The following CACNA2D3 variants were observed in gnomAD, a reference collection of about 807,000 sequenced individuals.
CACNA2D3 encodes the protein voltage-dependent calcium channel subunit alpha-2/delta-3.
Under a neutral mutation model 160.6 loss-of-function variants are expected in CACNA2D3, and 60 were observed. That is an observed-to-expected ratio of 0.37 (90% confidence interval 0.30 to 0.46). The LOEUF (loss-of-function observed/expected upper bound fraction) is 0.46. CACNA2D3 is among the 20% of genes least tolerant of loss of function. The pLI is 1.00. For synonymous variants in CACNA2D3, 558 were observed against 492.9 expected (o/e 1.13, Z -1.75); for missense variants, 1,205 against 1,365.0 (o/e 0.88, Z 1.85).
chr3:54,710,001 T>G (rs1700926685), intron 11 of CACNA2D3, among the ~76,000 whole-genome samples: 2 of 152,210 alleles, frequency 1.3e-5, no homozygotes, highest in Admixed American at 6.5e-5. Flanking sequence ...AAAAGTCTTT[T>G]GTTTTCACAC....
chr3:54,325,838 A>G (rs997992495), intron 3 of CACNA2D3, among the ~76,000 whole-genome samples: 4 of 152,208 alleles, frequency 2.6e-5, no homozygotes, highest in African/African-American at 9.7e-5. Context: ...AAGCACCCTG[A>G]AACTCACACC....
chr3:54,736,117 A>T (rs1164020990), intron 11 of CACNA2D3, among the ~76,000 whole-genome samples: 1 of 19,724 alleles, frequency 5.1e-5, no homozygotes, highest in Non-Finnish European at 1.2e-4. Context: ...ATGTATATAT[A>T]TACATATATA....
intron 31 of CACNA2D3, among the ~76,000 whole-genome samples, chr3:54,995,038 A>G (rs1702825373): frequency 1.3e-5 from 2 of 151,934 alleles, no homozygotes; most frequent in South Asian, 2.1e-4. Flanking sequence ...CAATGGTGCA[A>G]TCTTGGCTTA....
intron 4 of CACNA2D3, among the ~76,000 whole-genome samples, chr3:54,400,480 T>A (rs1159124288): frequency 6.6e-6 from 1 of 152,054 alleles, no homozygotes; most frequent in Admixed American, 6.5e-5. Flanking sequence ...CATCAAGAAA[T>A]ATCTTCTCAT....
At chr3:54,375,556 C>T (rs1236179612) in intron 3 of CACNA2D3, among the ~76,000 whole-genome samples, 5 of 152,036 alleles carry the variant, frequency 3.3e-5, no homozygotes, top group African/African-American at 1.2e-4. Flanking sequence ...GTCAAGAGAA[C>T]AGCAGGATGA....
At chr3:54,986,100 G>A (rs1702606709) in intron 30 of CACNA2D3, among the ~76,000 whole-genome samples, 1 of 152,162 alleles carries the variant, frequency 6.6e-6, no homozygotes, top group Admixed American at 6.5e-5. Context: ...TTGCCTAGAG[G>A]GAGGAGCTCT....
intron 5 of CACNA2D3, among the ~76,000 whole-genome samples, chr3:54,505,089 G>A (rs1701348161): frequency 6.6e-6 from 1 of 152,110 alleles, no homozygotes; most frequent in Admixed American, 6.5e-5. Flanking sequence ...TGGATATTAG[G>A]TATAGTTGGA....
intron 2 of CACNA2D3, among the ~76,000 whole-genome samples, chr3:54,306,177 C>T (rs1191972980): frequency 6.6e-6 from 1 of 152,102 alleles, no homozygotes; most frequent in Non-Finnish European, 1.5e-5. Flanking sequence ...CTGCACCCCC[C>T]AACCCGAAGC....
At position 54,287,200 on chromosome 3, in the gene CACNA2D3, A is replaced by T. The variant is rs1428497140; in HGVS notation, c.205-33242A>T. On this transcript the variant is annotated intron_variant, in intron 2 of 37. Transcript: ENST00000474759. ...GGAAACCCATCTCACGTGCAGAGAC[A>T]CACATAGGCTCAAAATAAAGGGACG... is the stretch of plus-strand genomic sequence containing the variant. 2.0e-5 allele frequency among the ~76,000 whole-genome samples: 3 copies of T among 152,322 alleles called. No homozygotes were observed. In the East Asian group the frequency reaches 5.8e-4, roughly 29 times the overall value.
intron 13 of CACNA2D3, among the ~76,000 whole-genome samples, chr3:54,792,056 A>G (rs1220298301): frequency 6.6e-6 from 1 of 152,204 alleles, no homozygotes; most frequent in African/African-American, 2.4e-5. Flanking sequence ...CTGTATTTTC[A>G]GGATATTATT....
chr3:54,373,615 T>A (rs1419488999), intron 3 of CACNA2D3, among the ~76,000 whole-genome samples: 1 of 152,106 alleles, frequency 6.6e-6, no homozygotes, highest in Admixed American at 6.5e-5. Context: ...TTAAACAACT[T>A]CTCCTTCCAG....
At chr3:54,438,632 G>A (rs1700094665) in intron 4 of CACNA2D3, among the ~76,000 whole-genome samples, 2 of 152,190 alleles carry the variant, frequency 1.3e-5, no homozygotes, top group South Asian at 4.1e-4. Flanking sequence ...AGGGCATTTA[G>A]ATGACTAAAT....
intron 5 of CACNA2D3, among the ~76,000 whole-genome samples, chr3:54,528,011 C>T (rs560070700): frequency 2.2e-4 from 34 of 152,132 alleles, no homozygotes; most frequent in African/African-American, 7.7e-4. Context: ...TGGAACAGTT[C>T]TGTGGAGCTC....
chr3:54,451,306 G>T (rs1700304956), intron 4 of CACNA2D3, among the ~76,000 whole-genome samples: 1 of 126,488 alleles, frequency 7.9e-6, no homozygotes, highest in African/African-American at 3.0e-5. Context: ...CTGGAGTGCA[G>T]TGGCGCAATC....
At chr3:54,383,500 C>G (rs964988906) in intron 3 of CACNA2D3, among the ~76,000 whole-genome samples, 1 of 152,162 alleles carries the variant, frequency 6.6e-6, no homozygotes, top group Non-Finnish European at 1.5e-5. Context: ...GGTTGATTGT[C>G]ATTTCTTGAA....
At chr3:54,310,633 G>A (rs1703718021) in intron 2 of CACNA2D3, among the ~76,000 whole-genome samples, 1 of 152,002 alleles carries the variant, frequency 6.6e-6, no homozygotes, top group South Asian at 2.1e-4. Context: ...AGCAACATCG[G>A]GAGCTAGTTG....
At chr3:54,816,115 T>C (rs1703444689) in intron 13 of CACNA2D3, among the ~76,000 whole-genome samples, 1 of 152,196 alleles carries the variant, frequency 6.6e-6, no homozygotes, top group Non-Finnish European at 1.5e-5. Flanking sequence ...TTATGTCTTA[T>C]TTTATGGATT....
chr3:54,294,370 C>A (rs1703289779), intron 2 of CACNA2D3, among the ~76,000 whole-genome samples: 2 of 152,142 alleles, frequency 1.3e-5, no homozygotes, highest in Admixed American at 1.3e-4. Context: ...CAGTTTAGGC[C>A]CCCTGGTGAC....
At chr3:54,469,962 A>G (rs1700700244) in intron 4 of CACNA2D3, among the ~76,000 whole-genome samples, 1 of 152,194 alleles carries the variant, frequency 6.6e-6, no homozygotes, top group African/African-American at 2.4e-5. Context: ...TGACTGATGT[A>G]CCTGAAAGTG....
Sources: gnomAD v4.1 joint callset for allele counts (sites outside exome capture counted in the v4.1 genomes callset) on GRCh38, gnomAD v4.1.1 for gene constraint, MANE v1.5 for transcripts, NCBI Gene and HGNC (gene_info 2026-07-23, HGNC 2026-07-21) for gene names.